The following PHIP variants were observed in gnomAD, a reference collection of about 807,000 sequenced individuals.
PHIP encodes the protein PHIP subunit of CUL4-Ring ligase complex, also known as PH-interacting protein.
Under a neutral mutation model 236.8 loss-of-function variants are expected in PHIP, and 54 were observed. The ratio of observed to expected loss-of-function variants is 0.23; its 90% CI spans 0.18 to 0.29. PHIP has a LOEUF of 0.29. Among genes scored for constraint, PHIP ranks in the 10% least tolerant of loss-of-function variants. The pLI is 1.00. For missense variants in PHIP, 1,370 were observed against 2,190.8 expected (o/e 0.63, Z 7.48); for synonymous variants, 756 against 718.9 (o/e 1.05, Z -0.83).
In PHIP at chr6:78,999,517, C is replaced by A. The variant is rs147387973; in HGVS notation, c.1880-1126G>T. 6.3e-4 allele frequency among the ~76,000 whole-genome samples: 96 copies of A among 152,166 alleles called. 1 individual carries two copies. The South Asian group carries it at 8.1e-3, about 13-fold the overall frequency. On this transcript the variant is annotated intron_variant, in intron 17 of 39. Coordinates refer to ENST00000275034, the MANE Select transcript of PHIP (RefSeq NM_017934.7). ...TCAAAAGCATGAACTGTCTCACTTA[C>A]CTTATCTAAATCTAGTACAATGCTA...
chr6:79,033,477 G>C (rs1051333313), intron 7 of PHIP, among the ~76,000 whole-genome samples: 6 of 152,176 alleles, frequency 3.9e-5, no homozygotes, highest in African/African-American at 1.4e-4. Flanking sequence ...AGCACTTGTT[G>C]CTTCACGTTG....
intron 19 of PHIP, among the ~76,000 whole-genome samples, chr6:78,991,865 T>TA (rs1426863840): frequency 2.0e-5 from 3 of 151,232 alleles, no homozygotes; most frequent in Non-Finnish European, 2.9e-5. Context: ...TTTTTTTTTT[T>TA]AAATTAAACT....
intron 6 of PHIP, among the ~76,000 whole-genome samples, chr6:79,059,594 TA>T: frequency 6.2e-5 from 3 of 48,686 alleles, no homozygotes; most frequent in Non-Finnish European, 1.3e-4. Context: ...AGCAAAATTA[TA>T]TATATATATA....
chr6:79,041,299 C>T (rs1477314905), intron 7 of PHIP, among the ~76,000 whole-genome samples: 1 of 152,056 alleles, frequency 6.6e-6, no homozygotes, highest in Admixed American at 6.6e-5. Context: ...AAGTCTGTAC[C>T]TACCACACTC....
At chr6:78,971,568 C>A (rs1020024975) in intron 24 of PHIP, among the ~76,000 whole-genome samples, 6 of 152,154 alleles carry the variant, frequency 3.9e-5, no homozygotes, top group African/African-American at 1.4e-4. Flanking sequence ...CAGCTCCCAG[C>A]CTGAACGATG....
intron 15 of PHIP, among the ~76,000 whole-genome samples, chr6:79,010,418 A>G (rs1197150972): frequency 6.6e-6 from 1 of 151,876 alleles, no homozygotes; most frequent in African/African-American, 2.4e-5. Context: ...AAATCTCTTA[A>G]GTAAAAGAAA....
intron 22 of PHIP, among the ~76,000 whole-genome samples, chr6:78,983,552 G>C (rs1357202309): frequency 6.6e-6 from 1 of 152,108 alleles, no homozygotes; most frequent in Non-Finnish European, 1.5e-5. Flanking sequence ...CCTTTTTTAA[G>C]GGGAGGTGGG....
chr6:79,070,448 G>A (rs1773827603), intron 4 of PHIP, among the ~76,000 whole-genome samples: 1 of 152,134 alleles, frequency 6.6e-6, no homozygotes, highest in South Asian at 2.1e-4. Context: ...TTCAGACAAC[G>A]GATGTTTCAC....
intron 31 of PHIP, among the ~76,000 whole-genome samples, chr6:78,959,468 C>A (rs1766625918): frequency 6.6e-6 from 1 of 151,906 alleles, no homozygotes. Flanking sequence ...TAGATTAATA[C>A]CAGCAGGGCA....
At chr6:79,061,624 A>T (rs1395730770) in intron 4 of PHIP, among the ~76,000 whole-genome samples, 1 of 152,138 alleles carries the variant, frequency 6.6e-6, no homozygotes, top group Non-Finnish European at 1.5e-5. Context: ...TTAAAATAAG[A>T]TTAGTTTATT....
At position 79,072,188 on chromosome 6, in the gene PHIP, C is replaced by T. The variant is rs149277668; in HGVS notation, c.189+5260G>A. On this transcript the variant is annotated intron_variant, in intron 4 of 39. Transcript: ENST00000275034. ...AAATAACTGTATAGAAGGAGGCAGA[C>T]GCCATAGCCAAATTCTCTTCATATA... Among the ~76,000 whole-genome samples, 266 of 152,242 alleles carry T rather than the reference C, an allele frequency of 1.7e-3. 1 individual carries two copies. Among genetic ancestry groups the T allele is most frequent in the African/African-American group, 6.1e-3 (252 of 41,560 alleles).
chr6:78,966,611 A>T (rs10943609), intron 27 of PHIP, among the ~76,000 whole-genome samples: 68,332 of 152,020 alleles, frequency 0.45, 16,020 homozygotes, highest in East Asian at 0.69. Context: ...TAAAACAACT[A>T]TTCTTTTTAA....
At chr6:79,019,281 T>C (rs528204233) in intron 9 of PHIP, 122 bp from the exon 10 acceptor site, 1 of 660,106 alleles carries the variant, frequency 1.5e-6, no homozygotes, top group Admixed American at 2.6e-5. Context: ...GCTCCCTTCC[T>C]AAAAACAACT....
chr6:79,042,866 G>T lies in PHIP; in HGVS notation c.577C>A (p.Arg193=). 6.2e-7 allele frequency: 1 copy of T among 1,601,656 alleles called. No homozygotes were observed. Among genetic ancestry groups the T allele is most frequent in the East Asian group, 2.3e-5 (1 of 44,260 alleles). The part of the protein sequence containing the change: ...LSSVYCVTFD[R]TGRRIFTGSD... ...ACAGTAAATATCCGTCTGCCAGTTC[G>T]ATCAAAAGTTACACAGTACACAGAT... The change falls in exon 7 of 40, where the codon CGA becomes AGA. Residue 193 remains arginine, a synonymous_variant. Transcript: ENST00000275034.
At chr6:78,994,378 C>T (rs557884211) in intron 19 of PHIP, among the ~76,000 whole-genome samples, 1 of 152,278 alleles carries the variant, frequency 6.6e-6, no homozygotes, top group East Asian at 1.9e-4. Context: ...GAGATCAAGA[C>T]CATCCTGGCT....
At position 79,032,197 on chromosome 6, in the gene PHIP, AG is replaced by A. The variant is rs553669459; in HGVS notation, c.601-6034del. Among the ~76,000 whole-genome samples the A allele has an allele frequency of 5.5e-3, 842 of 152,338 alleles. 6 individuals are homozygous for A. The highest frequency in any genetic ancestry group is 0.02 in the African/African-American group (817 of 41,576). ...CAAGTAGTAATATTTTTGCTGGTGG[AG>A]GGCTTTGCCTTGATGCTGACAGCTG... On this transcript the variant is annotated intron_variant, in intron 7 of 39. Transcript: ENST00000275034.
chr6:79,039,249 A>T (rs375518008), intron 7 of PHIP, among the ~76,000 whole-genome samples: 4 of 152,284 alleles, frequency 2.6e-5, no homozygotes, highest in African/African-American at 9.6e-5. Flanking sequence ...TACCACACCA[A>T]TATCGCTAGT....
chr6:78,985,225 C>T (rs2127719801), intron 22 of PHIP, 127 bp downstream of exon 22: 2 of 644,478 alleles, frequency 3.1e-6, no homozygotes, highest in East Asian at 5.4e-5. Flanking sequence ...ACATTTCATA[C>T]AACTTCAAAA....
At chr6:79,036,921 C>CAAAAA (rs34875528) in intron 7 of PHIP, among the ~76,000 whole-genome samples, 48 of 38,866 alleles carry the variant, frequency 1.2e-3, no homozygotes, top group Non-Finnish European at 1.4e-3. Context: ...GACTCCGTCT[C>CAAAAA]AAAAAAAAAA....
Sources: allele counts gnomAD v4.1 joint callset (sites outside exome capture counted in the v4.1 genomes callset), GRCh38; gene constraint gnomAD v4.1.1; transcripts MANE v1.5; gene names NCBI Gene and HGNC (gene_info 2026-07-23, HGNC 2026-07-21).